LYN: variants seen among roughly 807,000 people sequenced by gnomAD.
LYN encodes the protein LYN proto-oncogene, Src family tyrosine kinase.
LYN carries 12 observed loss-of-function variants against 65.0 expected under a neutral mutation model. The observed-to-expected ratio is 0.18, with a 90% CI of 0.12 to 0.30. LYN has a LOEUF of 0.30. LYN is among the 10% of genes least tolerant of loss of function. LYN has a pLI of 1.00. For missense variants in LYN, 380 were observed against 623.2 expected (o/e 0.61, Z 4.16); for synonymous variants, 222 against 221.2 (o/e 1.00, Z -0.03).
At chr8:55,880,633 T>C (rs963586067) in intron 1 of LYN, among the ~76,000 whole-genome samples, 1 of 152,200 alleles carries the variant, frequency 6.6e-6, no homozygotes, top group African/African-American at 2.4e-5. Context: ...CGCGGACAGT[T>C]GCCCTCCCTG....
At chr8:55,989,635 T>C (rs1020003588) in intron 10 of LYN, among the ~76,000 whole-genome samples, 1 of 152,186 alleles carries the variant, frequency 6.6e-6, no homozygotes, top group Non-Finnish European at 1.5e-5. Flanking sequence ...ATGAGTGCAT[T>C]CCACTCAAAT....
intron 1 of LYN, among the ~76,000 whole-genome samples, chr8:55,898,783 C>G (rs541039898): frequency 7.1e-4 from 108 of 152,154 alleles, no homozygotes; most frequent in Non-Finnish European, 1.2e-3. Flanking sequence ...TAGGCAGTCA[C>G]TAATCTATTT....
chr8:55,902,871 C>T (rs1156734393), intron 1 of LYN: 16 of 420,756 alleles, frequency 3.8e-5, no homozygotes, highest in Admixed American at 5.9e-5. Flanking sequence ...TTTTTGGAGA[C>T]GGAGTCTCTC....
chr8:55,891,331 A>C (rs1204546466), intron 1 of LYN, among the ~76,000 whole-genome samples: 1 of 151,706 alleles, frequency 6.6e-6, no homozygotes, highest in African/African-American at 2.4e-5. Context: ...CAGCCAGGGC[A>C]ACAAGAGCGA....
At chr8:55,899,519 G>A (rs1181476564) in intron 1 of LYN, among the ~76,000 whole-genome samples, 1 of 152,176 alleles carries the variant, frequency 6.6e-6, no homozygotes, top group Non-Finnish European at 1.5e-5. Context: ...TAAATATAAT[G>A]CAGAGAACAT....
At chr8:55,935,494 C>G (rs2130460040) in intron 1 of LYN, among the ~76,000 whole-genome samples, 1 of 152,320 alleles carries the variant, frequency 6.6e-6, no homozygotes, top group East Asian at 1.9e-4. Flanking sequence ...GATTTAGGTG[C>G]TGGGTGCAGT....
chr8:55,947,681 A>G lies in LYN; in HGVS notation c.242A>G (p.Asp81Gly), dbSNP rs778579501. The G allele has an allele frequency of 1.2e-6, 2 of 1,614,044 alleles. No individual in the cohort carries two copies. Among genetic ancestry groups the G allele is most frequent in the Non-Finnish European group, 1.7e-6 (2 of 1,179,916 alleles). ...CCCTATGATGGCATCCACCCGGACG[A>G]CTTGTCTTTCAAGAAAGGAGAGAAG... ...LYPYDGIHPD[D>G]LSFKKGEKMK... The change falls in exon 4 of 13, where the codon GAC (aspartate) becomes GGC (glycine). Residue 81 changes from aspartate to glycine, a missense_variant. This residue lies in a region of LYN where 157 missense variants were observed against 193.2 expected (regional missense o/e 0.81). Coordinates refer to ENST00000519728, the MANE Select transcript of LYN (RefSeq NM_002350.4).
rs1232625124 is a variant in LYN, at chr8:55,966,719, C to T, written c.795C>T (p.Tyr265=). ...CGCCTTCTTTTTTCTTCCTAGGTTA[C>T]TATAACAACAGTACCAAGGTGGCTG... ...AGQFGEVWMG[Y]YNNSTKVAVK... The change falls in exon 9 of 13, where the codon TAC becomes TAT. Residue 265 remains tyrosine (Y), a synonymous_variant. Transcript: ENST00000519728. 2 of 1,612,044 alleles carry T rather than the reference C, an allele frequency of 1.2e-6. No individual in the cohort carries two copies. Among genetic ancestry groups the T allele is most frequent in the African/African-American group, 1.3e-5 (1 of 74,846 alleles).
In LYN at chr8:55,941,852, C is replaced by T; in HGVS notation, c.-5-3C>T. 1.2e-6 allele frequency: 2 copies of T among 1,611,496 alleles called. No individual in the cohort carries two copies. Among genetic ancestry groups the T allele is most frequent in the South Asian group, 2.2e-5 (2 of 90,938 alleles). ...CAATGTCATTACTTTTATGTTTCAA[C>T]AGGAAATATGGGATGTATAAAATCA... On this transcript the variant is annotated splice_region_variant and splice_polypyrimidine_tract_variant and intron_variant, in intron 1 of 12. Transcript: ENST00000519728.
At chr8:55,973,499 C>T (rs1370640400) in intron 10 of LYN, among the ~76,000 whole-genome samples, 1 of 152,128 alleles carries the variant, frequency 6.6e-6, no homozygotes, top group African/African-American at 2.4e-5. Context: ...TGCATAATTC[C>T]CTTGGCTTTT....
chr8:55,951,246 CA>C (rs146943216), intron 6 of LYN, among the ~76,000 whole-genome samples: 22 of 145,010 alleles, frequency 1.5e-4, no homozygotes, highest in African/African-American at 2.0e-4. Context: ...GGCACTGTCT[CA>C]AAAAAAAAAG....
intron 12 of LYN, among the ~76,000 whole-genome samples, chr8:56,000,886 G>A (rs1469505841): frequency 3.3e-5 from 5 of 152,112 alleles, no homozygotes; most frequent in African/African-American, 7.2e-5. Flanking sequence ...ATTTGAGTAT[G>A]CTAGGCACTC....
At chr8:55,981,717 AT>A (rs1358181934) in intron 10 of LYN, among the ~76,000 whole-genome samples, 1 of 152,142 alleles carries the variant, frequency 6.6e-6, no homozygotes. Context: ...ACCATAAAGT[AT>A]TTTCTTCTTC....
rs1426951318 is a variant in LYN at position 55,941,968 on chromosome 8, A to G, written c.109A>G (p.Thr37Ala). ...AAGAACTATTTATGTGAGAGATCCA[A>G]CGTCCAATAAACAGCAAAGGCCAGT... Reference protein sequence around the residue: ...TERTIYVRDPTSNKQQRPVPE... With the variant: ...TERTIYVRDPASNKQQRPVPE... The change falls in exon 2 of 13, where the codon ACG (threonine) becomes GCG (alanine). Residue 37 changes from threonine (T) to alanine (A), a missense_variant. Physicochemically the swap from Thr to Ala is moderately conservative, Grantham distance 58. Coordinates refer to ENST00000519728, the MANE Select transcript of LYN (RefSeq NM_002350.4). 6 of 1,613,600 alleles carry G rather than the reference A, an allele frequency of 3.7e-6. No individual in the cohort carries two copies. In the African/African-American group the frequency reaches 4.0e-5, roughly 11 times the overall value.
At chr8:55,938,867 C>T (rs1243289768) in intron 1 of LYN, among the ~76,000 whole-genome samples, 1 of 152,198 alleles carries the variant, frequency 6.6e-6, no homozygotes. Context: ...GTCTTAGCCT[C>T]ACCCCTCCCA....
Position 56,011,242 on chromosome 8 carries a change from CG to C in LYN, c.*1134del. 1 of 225,976 alleles carries C rather than the reference CG, an allele frequency of 4.4e-6. No individual in the cohort carries two copies. The allele number at this position is 225,976 out of a possible 1,614,324, so 14.0% of individuals were successfully genotyped here. On this transcript the variant is annotated 3_prime_UTR_variant, in exon 13 of 13. Transcript: ENST00000519728. The stretch of plus-strand genomic sequence containing the variant: ...AAGCCACGGTGGCAGGAGGTTCAAG[CG>C]GTTCTGTTCACTAAATTTTTCTCCT...
chr8:55,944,057 C>T (rs780828965), intron 2 of LYN, among the ~76,000 whole-genome samples: 2 of 152,066 alleles, frequency 1.3e-5, no homozygotes, highest in Non-Finnish European at 2.9e-5. Flanking sequence ...CCACTGCACT[C>T]CAGCCTGGGT....
intron 1 of LYN, among the ~76,000 whole-genome samples, chr8:55,902,490 G>A (rs1243938372): frequency 1.3e-5 from 2 of 151,484 alleles, no homozygotes; most frequent in Non-Finnish European, 2.9e-5. Flanking sequence ...ACAACGCCCA[G>A]CTAATTTTTT....
intron 1 of LYN, among the ~76,000 whole-genome samples, chr8:55,912,726 G>GAAAAAAAAA (rs11366178): frequency 1.4e-5 from 1 of 73,678 alleles, no homozygotes; most frequent in Non-Finnish European, 3.1e-5. Context: ...GACTCCATCT[G>GAAAAAAAAA]AAAAAAAAAA....
Sources: gnomAD v4.1 joint callset for allele counts (sites outside exome capture counted in the v4.1 genomes callset) on GRCh38, gnomAD v4.1.1 for gene constraint, gnomAD v4.1.1 regional missense constraint, MANE v1.5 for transcripts, NCBI Gene and HGNC (gene_info 2026-07-23, HGNC 2026-07-21) for gene names.